The following HSH2D variants were observed in gnomAD, a reference collection of about 807,000 sequenced individuals.
HSH2D encodes the protein hematopoietic SH2 domain containing, also known as hematopoietic SH2 domain-containing protein.
HSH2D carries 16 observed loss-of-function variants against 21.5 expected under a neutral mutation model. The observed-to-expected ratio is 0.74, with a 90% CI of 0.50 to 1.13. The LOEUF is 1.13. Among genes scored for constraint, HSH2D ranks in the 50% most tolerant of loss-of-function variants. HSH2D has a pLI of 0.00. For missense variants in HSH2D, 418 were observed against 441.4 expected (o/e 0.95, Z 0.47); for synonymous variants, 172 against 184.7 (o/e 0.93, Z 0.56).
At chr19:16,139,874 G>A (rs2090988402), upstream of HSH2D, 1 of 152,182 alleles carries the variant, frequency 6.6e-6, no homozygotes, top group Non-Finnish European at 1.5e-5. Flanking sequence ...TCCTTCCTCT[G>A]GGGGACGCAT....
chr19:16,147,073 G>C (rs560622072), intron 1 of HSH2D, among the ~76,000 whole-genome samples: 4 of 152,080 alleles, frequency 2.6e-5, no homozygotes, highest in African/African-American at 7.2e-5. Flanking sequence ...TGATCCACCT[G>C]CCTCAGCCTC....
intron 5 of HSH2D, chr19:16,154,760 G>T: frequency 3.2e-6 from 1 of 310,372 alleles, no homozygotes; most frequent in Non-Finnish European, 6.2e-6. Flanking sequence ...GGGTCTCTGC[G>T]TGTGCCGGCC....
chr19:16,139,532 T>C (rs975575044), upstream of HSH2D, among the ~76,000 whole-genome samples: 3 of 152,098 alleles, frequency 2.0e-5, no homozygotes, highest in African/African-American at 2.4e-5. Flanking sequence ...CAGGGAGCTA[T>C]GATGGCACAG....
At chr19:16,139,793 G>C (rs2090987463), upstream of HSH2D, 1 of 152,208 alleles carries the variant, frequency 6.6e-6, no homozygotes, top group South Asian at 2.1e-4. Flanking sequence ...TGGTATCAGA[G>C]AGAGGGGGCC....
At chr19:16,151,110 G>A (rs2091142729) in intron 2 of HSH2D, among the ~76,000 whole-genome samples, 1 of 152,068 alleles carries the variant, frequency 6.6e-6, no homozygotes, top group African/African-American at 2.4e-5. Flanking sequence ...GATCACCAGA[G>A]GTCAGGAGCT....
At chr19:16,153,810 AG>A (rs1490404524) in intron 4 of HSH2D, among the ~76,000 whole-genome samples, 1 of 132,194 alleles carries the variant, frequency 7.6e-6, no homozygotes, top group Non-Finnish European at 1.6e-5. Context: ...GAAACTGCTG[AG>A]GGGGGTTATC....
At chr19:16,153,824 T>G (rs927333269) in intron 4 of HSH2D, among the ~76,000 whole-genome samples, 2 of 151,720 alleles carry the variant, frequency 1.3e-5, no homozygotes, top group Non-Finnish European at 1.5e-5. Flanking sequence ...GGGTTATCTC[T>G]CCTTAGAAGG....
intron 1 of HSH2D, among the ~76,000 whole-genome samples, chr19:16,144,244 A>C (rs1644663443): frequency 6.6e-6 from 1 of 152,002 alleles, no homozygotes; most frequent in Non-Finnish European, 1.5e-5. Flanking sequence ...GGAGGCCCTC[A>C]GGCTGGTGGA....
chr19:16,138,613 A>G (rs2090979575), intron 1 of HSH2D, among the ~76,000 whole-genome samples: 1 of 151,892 alleles, frequency 6.6e-6, no homozygotes, highest in Non-Finnish European at 1.5e-5. Context: ...GTGCGCCACC[A>G]TGCCCAGCTA....
intron 2 of HSH2D, among the ~76,000 whole-genome samples, chr19:16,150,525 G>C (rs1319036238): frequency 4.7e-5 from 7 of 150,106 alleles, no homozygotes; most frequent in African/African-American, 1.7e-4. Context: ...AGCAACAAGA[G>C]TAAAACTCCG....
upstream of HSH2D, among the ~76,000 whole-genome samples, chr19:16,142,678 GTCGCGAA>G (rs2091011514): frequency 6.6e-6 from 1 of 152,058 alleles, no homozygotes; most frequent in Non-Finnish European, 1.5e-5. Context: ...GGTCAGGCTG[GTCGCGAA>G]CTCCTGACCT....
chr19:16,156,030 G>A (rs2091232261), intron 5 of HSH2D, among the ~76,000 whole-genome samples: 1 of 151,876 alleles, frequency 6.6e-6, no homozygotes, highest in South Asian at 2.1e-4. Flanking sequence ...AGGTGGGAGG[G>A]ACAAAAATGA....
upstream of HSH2D, chr19:16,143,669 C>A: frequency 2.4e-6 from 1 of 425,076 alleles, no homozygotes; most frequent in Non-Finnish European, 4.7e-6. Flanking sequence ...TGCCTCGGGG[C>A]AGCCAGCCCC....
At position 16,148,719 on chromosome 19, in the gene HSH2D, C is replaced by T; in HGVS notation, c.-27-5C>T. On this transcript the variant is annotated splice_polypyrimidine_tract_variant and splice_region_variant and intron_variant, in intron 1 of 5. Transcript: ENST00000613986. ...ATTCTTGTCTTCCCTCCCTTCTCTACCCAGGTGACCTTCCCTCCACCCCAG... is the reference window on the plus strand; with the variant it reads ...ATTCTTGTCTTCCCTCCCTTCTCTATCCAGGTGACCTTCCCTCCACCCCAG... 1 of 1,613,692 alleles carries T rather than the reference C, an allele frequency of 6.2e-7. No individual in the cohort carries two copies. The highest frequency in any genetic ancestry group is 8.5e-7 in the Non-Finnish European group (1 of 1,179,708).
At position 16,154,451 on chromosome 19, in the gene HSH2D, T is replaced by C. The variant is rs1261740084; in HGVS notation, c.434T>C (p.Val145Ala). 22 of 1,552,710 alleles carry C rather than the reference T, an allele frequency of 1.4e-5. No homozygotes were observed. In the South Asian group the frequency reaches 2.1e-4, roughly 15 times the overall value. The change falls in exon 5 of 6, where the codon GTG becomes GCG. Residue 145 changes from valine (V) to alanine (A), a missense_variant. Val to Ala is a moderately conservative substitution (Grantham distance 64). Transcript: ENST00000613986. Reference sequence around the variant, plus strand: ...GATCTCTTCCTCTACTCCAACGCAGTGGCCGAGGAAGCTGCCTGCCCGGTG... The same window carrying C: ...GATCTCTTCCTCTACTCCAACGCAGCGGCCGAGGAAGCTGCCTGCCCGGTG... ...YEDLFLYSNA[V>A]AEEAACPVSA...
rs2091151851 is a variant in HSH2D at position 16,151,629 on chromosome 19, CG to C, written c.126-918del. On this transcript the variant is annotated intron_variant, in intron 2 of 5. Transcript: ENST00000613986. ...TTGATCCACCCAAAGGTGCCTTAAT[CG>C]GGGGATTCCAGGCATTGGGAAGGGG... 1.3e-5 allele frequency: 6 copies of C among 455,486 alleles called. No homozygotes were observed. In the Admixed American group the frequency reaches 1.4e-4, roughly 11 times the overall value. The allele number at this position is 455,486 out of a possible 1,614,324, so 28.2% of individuals were successfully genotyped here. A position where few individuals can be genotyped will look rare whatever the true frequency, so the allele number is the denominator to read the frequency against.
rs573129526 is a variant in HSH2D at position 16,157,875 on chromosome 19, C to T, written c.*81C>T. 9.5e-5 allele frequency: 100 copies of T among 1,053,982 alleles called. No individual in the cohort carries two copies. Among genetic ancestry groups the T allele is most frequent in the Non-Finnish European group, 1.2e-4 (93 of 746,276 alleles). 65.3% of individuals were successfully genotyped at this position (1,053,982 alleles called of 1,614,324 possible). A position where few individuals can be genotyped will look rare whatever the true frequency, so the allele number is the denominator to read the frequency against. On this transcript the variant is annotated 3_prime_UTR_variant, in exon 6 of 6. Transcript: ENST00000613986. This position sits in a 1 kb window ranked among gnomAD's most constrained non-coding sequence, Gnocchi z 4.4. ...ATGCCTTAACATTTCTTCCATGGCC[C>T]CACACCATGGCATCCGGGGGTCTTC...
chr19:16,148,939 G>A (rs2145039331), intron 2 of HSH2D, 64 bp downstream of exon 2: 3 of 1,510,140 alleles, frequency 2.0e-6, no homozygotes, highest in African/African-American at 2.8e-5. Flanking sequence ...TCCCTACCCT[G>A]GGCAGCTTTT....
chr19:16,140,559 C>T (rs534496394), upstream of HSH2D, among the ~76,000 whole-genome samples: 157 of 151,858 alleles, frequency 1.0e-3, no homozygotes, highest in Middle Eastern at 0.014. Flanking sequence ...GAGCCAAGAT[C>T]GCACCACTGT....
Sources: allele counts gnomAD v4.1 joint callset (sites outside exome capture counted in the v4.1 genomes callset), GRCh38; gene constraint gnomAD v4.1.1; non-coding constraint Gnocchi (gnomAD v3.1); transcripts MANE v1.5; gene names NCBI Gene and HGNC (gene_info 2026-07-23, HGNC 2026-07-21).